The following NAB1 variants were observed in gnomAD, a reference collection of about 807,000 sequenced individuals.
The protein encoded by NAB1 is NGFI-A-binding protein 1.
NAB1 carries 25 observed loss-of-function variants against 49.9 expected under a neutral mutation model. The ratio of observed to expected loss-of-function variants is 0.50; its 90% confidence interval spans 0.37 to 0.70. The LOEUF (loss-of-function observed/expected upper bound fraction) is 0.70. NAB1 is among the 30% of genes least tolerant of loss of function. The pLI is 0.00. For synonymous variants in NAB1, 198 were observed against 215.6 expected (o/e 0.92, Z 0.71); for missense variants, 489 against 575.9 (o/e 0.85, Z 1.54).
rs1695215900 is a variant in NAB1, at chr2:190,679,281, G to A, written c.1006-4457G>A. 6.6e-6 allele frequency among the ~76,000 whole-genome samples: 1 copy of A among 152,174 alleles called. No homozygotes were observed. Among genetic ancestry groups the A allele is most frequent in the Non-Finnish European group, 1.5e-5 (1 of 68,038 alleles). On this transcript the variant is annotated intron_variant, in intron 6 of 9. Coordinates refer to ENST00000337386, the MANE Select transcript of NAB1 (RefSeq NM_005966.4). This position sits in a 1 kb window ranked among gnomAD's most constrained non-coding sequence, Gnocchi z 5.3. ...TGGGGACCTTAAATCTACTTTATGT[G>A]ACATGCAGTGATAGCTACTCGATTT...
chr2:190,669,524 C>T lies in NAB1; in HGVS notation c.820-802C>T, dbSNP rs543088647. 1.3e-5 allele frequency among the ~76,000 whole-genome samples: 2 copies of T among 152,288 alleles called. No individual in the cohort carries two copies. The highest frequency in any genetic ancestry group is 2.1e-4 in the South Asian group (1 of 4,830). ...CTCTCCTCAGGTCTGTCTGCCATCA[C>T]GTCCCATTTTCTTTTTGCTAATCAT... On this transcript the variant is annotated intron_variant, in intron 4 of 9. Coordinates refer to ENST00000337386, the MANE Select transcript of NAB1 (RefSeq NM_005966.4). This position sits in a 1 kb window ranked among gnomAD's most constrained non-coding sequence, Gnocchi z 4.3.
intron 2 of NAB1, among the ~76,000 whole-genome samples, chr2:190,650,940 C>T (rs1484311963): frequency 6.6e-6 from 1 of 152,140 alleles, no homozygotes; most frequent in East Asian, 1.9e-4. Flanking sequence ...TTTCAAGGAA[C>T]TTCTGGAAGA....
At chr2:190,658,151 T>A (rs1694025901) in intron 3 of NAB1, among the ~76,000 whole-genome samples, 1 of 152,208 alleles carries the variant, frequency 6.6e-6, no homozygotes, top group Admixed American at 6.5e-5. Context: ...GCTCAAAAAG[T>A]ATGTTTCTTC....
Position 190,651,261 on chromosome 2 carries a change from A to G in NAB1, c.-197+1279A>G, listed in dbSNP as rs1196977196. On this transcript the variant is annotated intron_variant, in intron 2 of 9. Transcript: ENST00000337386. This position sits in a 1 kb window ranked among gnomAD's most constrained non-coding sequence, Gnocchi z 4.3. ...AAATACTTTATCTCATCTTATTTCA[A>G]AATTATTCAGTTGAGTAATCTCTTT... is the stretch of plus-strand genomic sequence containing the variant. Among the ~76,000 whole-genome samples, 3 of 141,132 alleles carry G rather than the reference A, an allele frequency of 2.1e-5. No individual in the cohort carries two copies. Among genetic ancestry groups the G allele is most frequent in the East Asian group, 3.9e-4 (2 of 5,128 alleles). 92.6% of individuals were successfully genotyped at this position (141,132 alleles called of 152,430 possible).
chr2:190,662,815 G>A (rs924094487), intron 4 of NAB1, among the ~76,000 whole-genome samples: 3 of 152,128 alleles, frequency 2.0e-5, no homozygotes, highest in Admixed American at 1.3e-4. Context: ...AAGATAGGAA[G>A]GAGAAGAGGA....
chr2:190,683,943 G>GT, intron 7 of NAB1, 116 bp downstream of exon 7: 1 of 808,846 alleles, frequency 1.2e-6, no homozygotes, highest in South Asian at 1.7e-5. Flanking sequence ...ATTTCCGTTT[G>GT]TTTTTTAAAA....
In NAB1 at chr2:190,691,764, G is replaced by A. The variant is rs796591732; in HGVS notation, c.*1431G>A. 5.5e-4 allele frequency: 84 copies of A among 152,226 alleles called. No individual in the cohort carries two copies. The highest frequency in any genetic ancestry group is 1.9e-3 in the African/African-American group (80 of 41,568). The allele number at this position is 152,226 out of a possible 1,614,324, so 9.4% of individuals were successfully genotyped here. ...ATTGACTCTGAGTGTAAGAGAGTAT[G>A]TGTTTTTTTGTTTTTAGTTCTGCTC... On this transcript the variant is annotated 3_prime_UTR_variant, in exon 10 of 10. Coordinates refer to ENST00000337386, the MANE Select transcript of NAB1 (RefSeq NM_005966.4). This position sits in a 1 kb window ranked among gnomAD's most constrained non-coding sequence, Gnocchi z 4.1.
Position 190,692,325 on chromosome 2 carries a change from T to C in NAB1, c.*1992T>C, listed in dbSNP as rs947425411. ...GTAATCTTCCAACTTCCAATATTTA[T>C]CCATTCGTTGTGGACCCACAGATTG... On this transcript the variant is annotated 3_prime_UTR_variant, in exon 10 of 10. Coordinates refer to ENST00000337386, the MANE Select transcript of NAB1 (RefSeq NM_005966.4). The surrounding 1 kb of genome is among the most constrained non-coding windows in gnomAD (Gnocchi z 5.2). The C allele has an allele frequency of 2.6e-5, 4 of 152,626 alleles. No individual in the cohort carries two copies. The highest frequency in any genetic ancestry group is 4.4e-5 in the Non-Finnish European group (3 of 68,022). The allele number at this position is 152,626 out of a possible 1,614,324, so 9.5% of individuals were successfully genotyped here.
chr2:190,659,136 C>CTTTT lies in NAB1; in HGVS notation c.-19-9_-19-6dup. ...TTGAAGCAAGTATGATGAGTTTTTA[C>CTTTT]TTTTTTTTTTTTTTTTGGCAGGTTA... On this transcript the variant is annotated intron_variant, in intron 3 of 9. Coordinates refer to ENST00000337386, the MANE Select transcript of NAB1 (RefSeq NM_005966.4). The surrounding 1 kb of genome is among the most constrained non-coding windows in gnomAD (Gnocchi z 6.2). 2.1e-5 allele frequency: 25 copies of CTTTT among 1,190,248 alleles called. No homozygotes were observed. The highest frequency in any genetic ancestry group is 5.0e-5 in the South Asian group (3 of 60,206). The allele number at this position is 1,190,248 out of a possible 1,614,324, so 73.7% of individuals were successfully genotyped here.
rs949288804 is a variant in NAB1 at position 190,666,962 on chromosome 2, G to A, written c.820-3364G>A. 5.9e-5 allele frequency among the ~76,000 whole-genome samples: 9 copies of A among 152,186 alleles called. No individual in the cohort carries two copies. Among genetic ancestry groups the A allele is most frequent in the African/African-American group, 2.2e-4 (9 of 41,440 alleles). On this transcript the variant is annotated intron_variant, in intron 4 of 9. Transcript: ENST00000337386. The surrounding 1 kb of genome is among the most constrained non-coding windows in gnomAD (Gnocchi z 5.6). ...TTTCTTTTGTAATTATATCATGATA[G>A]TTATTGATGTGTTCATTATTAGCAG...
At position 190,685,585 on chromosome 2, in the gene NAB1, G is replaced by C; in HGVS notation, c.1205G>C (p.Ser402Thr). ...TTGTCTGCAGGGCTTTACAGGCAGA[G>C]CTCAGAAGAGCACAGTCCTAACGGC... ...RRLSAGLYRQSSEEHSPNGLT... is the reference protein window; with the variant it reads ...RRLSAGLYRQTSEEHSPNGLT... The change falls in exon 8 of 10, where the codon AGC becomes ACC. Residue 402 changes from serine (S) to threonine (T), a missense_variant. This residue lies in a region of NAB1 where 212 missense variants were observed against 199.3 expected (regional missense o/e 1.06). Transcript: ENST00000337386. The surrounding 1 kb of genome is among the most constrained non-coding windows in gnomAD (Gnocchi z 4.5). The C allele has an allele frequency of 6.2e-7, 1 of 1,614,080 alleles. No homozygotes were observed. Among genetic ancestry groups the C allele is most frequent in the South Asian group, 1.1e-5 (1 of 91,064 alleles).
chr2:190,650,624 A>AT (rs1403549867), intron 2 of NAB1, among the ~76,000 whole-genome samples: 2 of 152,200 alleles, frequency 1.3e-5, no homozygotes, highest in Non-Finnish European at 2.9e-5. Flanking sequence ...AGGAGAGAGG[A>AT]TGCATAGGAT....
rs1328556474 is a variant in NAB1, at chr2:190,680,498, G to A, written c.1006-3240G>A. On this transcript the variant is annotated intron_variant, in intron 6 of 9. Coordinates refer to ENST00000337386, the MANE Select transcript of NAB1 (RefSeq NM_005966.4). This position sits in a 1 kb window ranked among gnomAD's most constrained non-coding sequence, Gnocchi z 5.2. ...GCCCTCTGCTGTGCTCTGGGTCTCC[G>A]TCCATTTCCCTCCCTGGACTGTGTT... Among the ~76,000 whole-genome samples, 1 of 152,158 alleles carries A rather than the reference G, an allele frequency of 6.6e-6. No homozygotes were observed. The highest frequency in any genetic ancestry group is 1.5e-5 in the Non-Finnish European group (1 of 68,044).
chr2:190,670,889 C>G lies in NAB1; in HGVS notation c.953+430C>G, dbSNP rs1022765940. Among the ~76,000 whole-genome samples, 1 of 152,184 alleles carries G rather than the reference C, an allele frequency of 6.6e-6. No homozygotes were observed. The highest frequency in any genetic ancestry group is 2.4e-5 in the African/African-American group (1 of 41,442). The stretch of plus-strand genomic sequence containing the variant: ...GATTAGCTGAATATGTAAAACGACT[C>G]TATTGACTAGTATCTAAGGGAAAAT... On this transcript the variant is annotated intron_variant, in intron 5 of 9. Coordinates refer to ENST00000337386, the MANE Select transcript of NAB1 (RefSeq NM_005966.4). This position sits in a 1 kb window ranked among gnomAD's most constrained non-coding sequence, Gnocchi z 5.3.
rs550823407 is a variant in NAB1, at chr2:190,690,394, T to C, written c.*61T>C. The C allele has an allele frequency of 2.4e-4, 309 of 1,284,288 alleles. 2 individuals carry two copies. In the Middle Eastern group the frequency reaches 3.2e-3, roughly 13 times the overall value. The allele number at this position is 1,284,288 out of a possible 1,614,324, so 79.6% of individuals were successfully genotyped here. ...CAGATTTAAGGATAATACTCCATCA[T>C]AGAAATAAGCCTTAATAACCAGTGT... is the stretch of plus-strand genomic sequence containing the variant. On this transcript the variant is annotated 3_prime_UTR_variant, in exon 10 of 10. Transcript: ENST00000337386.
Position 190,690,514 on chromosome 2 carries a change from G to C in NAB1, c.*181G>C. On this transcript the variant is annotated 3_prime_UTR_variant, in exon 10 of 10. Transcript: ENST00000337386. ...GGAAGATAAAACAACAGCCACAAAAGAGAAAATCAAGAGTGTTGCAATCTA... is the reference window on the plus strand; with the variant it reads ...GGAAGATAAAACAACAGCCACAAAACAGAAAATCAAGAGTGTTGCAATCTA... 1 of 529,274 alleles carries C rather than the reference G, an allele frequency of 1.9e-6. No individual in the cohort carries two copies. The highest frequency in any genetic ancestry group is 3.4e-6 in the Non-Finnish European group (1 of 296,560). The allele number at this position is 529,274 out of a possible 1,614,324, so 32.8% of individuals were successfully genotyped here. A position where few individuals can be genotyped will look rare whatever the true frequency, so the allele number is the denominator to read the frequency against.
Position 190,683,770 on chromosome 2 carries a change from A to C in NAB1, c.1038A>C (p.Gln346His). ...TTCCAGATTTCCAGGATTCTGTGCA[A>C]ACACTCTTCCAGCAGGCTAGAGCTA... ...DGFPDFQDSV[Q>H]TLFQQARAKS... The change falls in exon 7 of 10, where the codon CAA (glutamine) becomes CAC (histidine). Residue 346 changes from glutamine to histidine, a missense_variant. By Grantham distance (24) the Gln-to-His change is conservative. This residue lies in a region of NAB1 where 212 missense variants were observed against 199.3 expected (regional missense o/e 1.06). Transcript: ENST00000337386. 2 of 1,613,822 alleles carry C rather than the reference A, an allele frequency of 1.2e-6. No homozygotes were observed. Among genetic ancestry groups the C allele is most frequent in the South Asian group, 1.1e-5 (1 of 90,968 alleles).
In NAB1 at chr2:190,682,870, T is replaced by A. The variant is rs1338560591; in HGVS notation, c.1006-868T>A. ...ATGATAAACTAGTAAAGGCCCTCTA[T>A]AGGTTTAGCGAAAGTACATAAGGCA... On this transcript the variant is annotated intron_variant, in intron 6 of 9. Coordinates refer to ENST00000337386, the MANE Select transcript of NAB1 (RefSeq NM_005966.4). This position sits in a 1 kb window ranked among gnomAD's most constrained non-coding sequence, Gnocchi z 4.1. 3.3e-5 allele frequency among the ~76,000 whole-genome samples: 5 copies of A among 152,188 alleles called. No individual in the cohort carries two copies. Among genetic ancestry groups the A allele is most frequent in the Non-Finnish European group, 5.9e-5 (4 of 68,034 alleles).
chr2:190,657,969 TACA>T lies in NAB1; in HGVS notation c.-19-1184_-19-1182del, dbSNP rs1409066199. Among the ~76,000 whole-genome samples, 2 of 152,230 alleles carry T rather than the reference TACA, an allele frequency of 1.3e-5. No individual in the cohort carries two copies. Among genetic ancestry groups the T allele is most frequent in the South Asian group, 2.1e-4 (1 of 4,834 alleles). On this transcript the variant is annotated intron_variant, in intron 3 of 9. Coordinates refer to ENST00000337386, the MANE Select transcript of NAB1 (RefSeq NM_005966.4). This position sits in a 1 kb window ranked among gnomAD's most constrained non-coding sequence, Gnocchi z 4.4. ...TTTTAATCCTAAGGGTGCATTTGAT[TACA>T]ACAAGTTTATTTGTTTCTCTTAAAT... is the stretch of plus-strand genomic sequence containing the variant.
Sources: allele counts gnomAD v4.1 joint callset (sites outside exome capture counted in the v4.1 genomes callset), GRCh38; gene constraint gnomAD v4.1.1; regional missense constraint gnomAD v4.1.1; non-coding constraint Gnocchi (gnomAD v3.1); transcripts MANE v1.5; gene names NCBI Gene and HGNC (gene_info 2026-07-23, HGNC 2026-07-21).